Variants in RGS7 observed in about 807,000 individuals in gnomAD.
RGS7 encodes regulator of G protein signaling 7.
Under a neutral mutation model 81.1 loss-of-function variants are expected in RGS7, and 27 were observed. That is an observed-to-expected ratio of 0.33 (90% CI 0.25 to 0.46). The LOEUF (loss-of-function observed/expected upper bound fraction) is 0.46. Among genes scored for constraint, RGS7 ranks in the 20% least tolerant of loss-of-function variants. The probability of loss-of-function intolerance (pLI) is 1.00; values close to 1 mark genes in which losing one functional copy is unlikely to be tolerated. For synonymous variants in RGS7, 208 were observed against 207.7 expected, an observed-to-expected ratio of 1.00 and a Z score of -0.01; for missense variants, 396 against 607.4, an observed-to-expected ratio of 0.65 and a Z score of 3.66.
chr1:241,257,495 T>C (rs575324868), intron 2 of RGS7, among the ~76,000 whole-genome samples: 1 of 152,180 alleles, frequency 6.6e-6, no homozygotes, highest in African/African-American at 2.4e-5. Flanking sequence ...CAACCTAGAT[T>C]GTGCCAAAAT....
intron 2 of RGS7, among the ~76,000 whole-genome samples, chr1:241,273,175 A>ACCGC (rs796247593): frequency 9.5e-6 from 1 of 105,030 alleles, no homozygotes; most frequent in Non-Finnish European, 2.1e-5. Context: ...ATAATAATGA[A>ACCGC]CCCCCCCCCC....
At position 240,868,522 on chromosome 1, in the gene RGS7, G is replaced by T; in HGVS notation, c.609+65C>A. ...CTACAGTCTTTCACTTACTTTGGCAGGGCACCCCTCACTTCCCACAGACGG... is the reference window on the plus strand; with the variant it reads ...CTACAGTCTTTCACTTACTTTGGCATGGCACCCCTCACTTCCCACAGACGG... On this transcript the variant is annotated intron_variant, in intron 9 of 18. Transcript: ENST00000440928. The surrounding 1 kb of genome is among the most constrained non-coding windows in gnomAD (Gnocchi z 5.1). 3 of 1,405,580 alleles carry T rather than the reference G, an allele frequency of 2.1e-6. No homozygotes were observed. The highest frequency in any genetic ancestry group is 3.0e-6 in the Non-Finnish European group (3 of 991,410). 87.1% of individuals were successfully genotyped at this position (1,405,580 alleles called of 1,614,324 possible). A position where few individuals can be genotyped will look rare whatever the true frequency, so the allele number is the denominator to read the frequency against.
chr1:241,303,338 C>T (rs1264107662), intron 2 of RGS7, among the ~76,000 whole-genome samples: 2 of 152,136 alleles, frequency 1.3e-5, no homozygotes, highest in African/African-American at 4.8e-5. Flanking sequence ...TAAGATGTGC[C>T]TGCTCCTCCT....
chr1:241,100,685 G>A (rs1031863574), intron 2 of RGS7, among the ~76,000 whole-genome samples: 3 of 152,102 alleles, frequency 2.0e-5, no homozygotes, highest in Admixed American at 6.5e-5. Flanking sequence ...TCTTCATAGC[G>A]TTCTTCATGG....
intron 2 of RGS7, among the ~76,000 whole-genome samples, chr1:241,113,909 A>G (rs1163373251): frequency 6.6e-6 from 1 of 152,122 alleles, no homozygotes; most frequent in African/African-American, 2.4e-5. Flanking sequence ...TTCCCTACTT[A>G]TGACACACTC....
intron 4 of RGS7, 80 bp from the exon 5 acceptor site, chr1:240,936,786 G>A: frequency 9.4e-7 from 1 of 1,064,070 alleles, no homozygotes; most frequent in Non-Finnish European, 1.5e-6. Flanking sequence ...TTTTTGTGTG[G>A]TTCCTTTTGT....
intron 3 of RGS7, among the ~76,000 whole-genome samples, chr1:240,999,996 G>A (rs192670144): frequency 6.2e-4 from 94 of 152,256 alleles, no homozygotes; most frequent in African/African-American, 2.1e-3. Context: ...CCACTCCTCC[G>A]GAAGAGGGAA....
intron 6 of RGS7, among the ~76,000 whole-genome samples, chr1:240,893,880 T>C (rs567973265): frequency 6.6e-6 from 1 of 152,350 alleles, no homozygotes; most frequent in South Asian, 2.1e-4. Flanking sequence ...AAATTAATCA[T>C]TGTAAAACAA....
At chr1:241,165,221 T>C (rs1297406967) in intron 2 of RGS7, among the ~76,000 whole-genome samples, 1 of 152,214 alleles carries the variant, frequency 6.6e-6, no homozygotes, top group Admixed American at 6.5e-5. Flanking sequence ...CACATATGCA[T>C]TTCTTAAACT....
chr1:241,279,130 TATATA>T (rs572979292), intron 2 of RGS7, among the ~76,000 whole-genome samples: 41 of 151,330 alleles, frequency 2.7e-4, no homozygotes, highest in Admixed American at 7.9e-4. Flanking sequence ...ATATATAATA[TATATA>T]ATATAACATA....
intron 2 of RGS7, among the ~76,000 whole-genome samples, chr1:241,283,087 T>A (rs964677282): frequency 6.6e-6 from 1 of 152,182 alleles, no homozygotes; most frequent in African/African-American, 2.4e-5. Context: ...CTGTCCTTTT[T>A]ATAAAAAGCT....
intron 9 of RGS7, among the ~76,000 whole-genome samples, chr1:240,834,082 T>A (rs1048240564): frequency 1.1e-4 from 16 of 152,236 alleles, no homozygotes; most frequent in African/African-American, 2.9e-4. Flanking sequence ...GCACTGTGCC[T>A]AGCCAGGATT....
At chr1:240,862,737 A>C (rs1223043160) in intron 9 of RGS7, among the ~76,000 whole-genome samples, 2 of 152,226 alleles carry the variant, frequency 1.3e-5, no homozygotes, top group African/African-American at 4.8e-5. Flanking sequence ...AAAGTCTTTC[A>C]GTTAGATCGT....
intron 2 of RGS7, among the ~76,000 whole-genome samples, chr1:241,323,889 C>T (rs541816355): frequency 6.6e-6 from 1 of 152,254 alleles, no homozygotes; most frequent in Non-Finnish European, 1.5e-5. Context: ...ACAAAAAGGC[C>T]TAGGCAAATG....
intron 9 of RGS7, among the ~76,000 whole-genome samples, chr1:240,834,659 C>A (rs546483029): frequency 1.3e-5 from 2 of 151,988 alleles, no homozygotes; most frequent in East Asian, 3.9e-4. Context: ...TACAGGTGTC[C>A]GCCACCACGC....
chr1:241,146,990 G>C (rs922919360), intron 2 of RGS7, among the ~76,000 whole-genome samples: 4 of 152,094 alleles, frequency 2.6e-5, no homozygotes, highest in African/African-American at 9.7e-5. Flanking sequence ...GTGAATTTTG[G>C]GGACGTAGAA....
At chr1:241,091,098 T>C (rs947688031) in intron 3 of RGS7, among the ~76,000 whole-genome samples, 2 of 152,326 alleles carry the variant, frequency 1.3e-5, no homozygotes, top group African/African-American at 4.8e-5. Flanking sequence ...TCTGACCCTC[T>C]ATTTCCTTCT....
chr1:241,184,387 GACAA>G (rs2071912023), intron 2 of RGS7, among the ~76,000 whole-genome samples: 2 of 152,122 alleles, frequency 1.3e-5, no homozygotes, highest in Non-Finnish European at 2.9e-5. Context: ...AGGTTGGTAT[GACAA>G]ACAATGTGGA....
chr1:240,932,210 C>T (rs1384014328), intron 5 of RGS7, among the ~76,000 whole-genome samples: 7 of 152,182 alleles, frequency 4.6e-5, no homozygotes, highest in Non-Finnish European at 1.0e-4. Flanking sequence ...GGGATTTCAA[C>T]TTACCCTCCG....
Sources: gnomAD v4.1 joint callset for allele counts (sites outside exome capture counted in the v4.1 genomes callset) on GRCh38, gnomAD v4.1.1 for gene constraint, Gnocchi (gnomAD v3.1) non-coding constraint, MANE v1.5 for transcripts, NCBI Gene and HGNC (gene_info 2026-07-23, HGNC 2026-07-21) for gene names.